The following CNTN3 variants were observed in gnomAD, a reference collection of about 807,000 sequenced individuals.
CNTN3 encodes contactin-3.
A neutral mutation model predicts 119.1 loss-of-function variants in CNTN3; 60 were observed. The observed-to-expected ratio is 0.50, with a 90% confidence interval of 0.41 to 0.62. CNTN3 has a LOEUF of 0.62. CNTN3 is among the 20% of genes least tolerant of loss of function. The probability of loss-of-function intolerance (pLI) is 0.00; values close to 1 mark genes in which losing one functional copy is unlikely to be tolerated. For synonymous variants in CNTN3, 450 were observed against 438.7 expected (o/e 1.03, Z -0.32); for missense variants, 1,101 against 1,242.4 (o/e 0.89, Z 1.71).
intron 1 of CNTN3, among the ~76,000 whole-genome samples, chr3:74,577,303 T>G (rs1704433274): frequency 6.6e-6 from 1 of 152,204 alleles, no homozygotes; most frequent in Admixed American, 6.5e-5. Flanking sequence ...ATATCAGCAG[T>G]TTCTTTCTTG....
chr3:74,600,029 G>A (rs2106702140), intron 1 of CNTN3, among the ~76,000 whole-genome samples: 1 of 151,904 alleles, frequency 6.6e-6, no homozygotes, highest in East Asian at 1.9e-4. Flanking sequence ...AGCACAGTTG[G>A]TTGATGACAG....
At chr3:74,525,289 C>T (rs1286490505) in intron 1 of CNTN3, among the ~76,000 whole-genome samples, 1 of 151,798 alleles carries the variant, frequency 6.6e-6, no homozygotes, top group Non-Finnish European at 1.5e-5. Context: ...TACACACATG[C>T]ATACACTGTA....
rs1268917445 is a variant in CNTN3, at chr3:74,360,020, T to C, written c.1364+1870A>G. On this transcript the variant is annotated intron_variant, in intron 11 of 22. Transcript: ENST00000263665. ...CTATTCTGTGCAGCCTAGCATTTGG[T>C]TGGATTATGGTGAACCACTCAATTC... is the stretch of plus-strand genomic sequence containing the variant. Among the ~76,000 whole-genome samples, 3 of 152,204 alleles carry C rather than the reference T, an allele frequency of 2.0e-5. No homozygotes were observed. In the East Asian group the frequency reaches 5.8e-4, roughly 29 times the overall value.
At chr3:74,365,444 G>T in intron 9 of CNTN3, 122 bp downstream of exon 9, 1 of 1,241,770 alleles carries the variant, frequency 8.1e-7, no homozygotes. Flanking sequence ...GTAAAGGAAA[G>T]TGTGCAAACT....
In CNTN3 at chr3:74,272,208, A is replaced by C. The variant is rs894192281; in HGVS notation, c.2705-4830T>G. 2.6e-5 allele frequency among the ~76,000 whole-genome samples: 4 copies of C among 152,138 alleles called. No homozygotes were observed. In the South Asian group the frequency reaches 8.3e-4, roughly 32 times the overall value. On this transcript the variant is annotated intron_variant, in intron 20 of 22. Transcript: ENST00000263665. ...AAAAAAAATCACAAAATAATCTCAT[A>C]ATGTTTTAAGAAAGTTTATGAATTT... is the stretch of plus-strand genomic sequence containing the variant.
At chr3:74,604,953 T>C (rs2106709608) in intron 1 of CNTN3, among the ~76,000 whole-genome samples, 1 of 152,284 alleles carries the variant, frequency 6.6e-6, no homozygotes, top group East Asian at 1.9e-4. Flanking sequence ...AATGGAATAT[T>C]ATGCAGCCAT....
chr3:74,436,852 T>C (rs143290647), intron 4 of CNTN3, among the ~76,000 whole-genome samples: 304 of 152,252 alleles, frequency 2.0e-3, no homozygotes, highest in Middle Eastern at 6.8e-3. Context: ...AAAACAGCAA[T>C]TGGAAATCAA....
At chr3:74,365,904 G>A (rs1476825868) in intron 8 of CNTN3, among the ~76,000 whole-genome samples, 1 of 152,038 alleles carries the variant, frequency 6.6e-6, no homozygotes, top group African/African-American at 2.4e-5. Flanking sequence ...TACATTTGAG[G>A]ATGGAAGTTG....
At chr3:74,374,924 A>T (rs1037628219) in intron 5 of CNTN3, among the ~76,000 whole-genome samples, 2 of 152,162 alleles carry the variant, frequency 1.3e-5, no homozygotes, top group African/African-American at 4.8e-5. Context: ...ACAACCATTC[A>T]ATGCAAAATT....
chr3:74,366,780 GTATA>G lies in CNTN3; in HGVS notation c.947-1082_947-1079del, dbSNP rs59223804. Among the ~76,000 whole-genome samples, 211 of 63,670 alleles carry G rather than the reference GTATA, an allele frequency of 3.3e-3. 3 individuals are homozygous for G. The highest frequency in any genetic ancestry group is 7.2e-3 in the Admixed American group (38 of 5,268). 41.8% of individuals were successfully genotyped at this position (63,670 alleles called of 152,430 possible). On this transcript the variant is annotated intron_variant, in intron 8 of 22. Transcript: ENST00000263665. ...TGTGCGTGTGTGTGTGTGTGTGTGT[GTATA>G]TATATATATATATATATATATATAA...
At chr3:74,330,640 T>C (rs1703243075) in intron 13 of CNTN3, among the ~76,000 whole-genome samples, 1 of 152,106 alleles carries the variant, frequency 6.6e-6, no homozygotes, top group Non-Finnish European at 1.5e-5. Flanking sequence ...TAAAAGAGTC[T>C]CATATAGGTC....
chr3:74,354,577 T>C (rs1037160282), intron 11 of CNTN3, among the ~76,000 whole-genome samples: 1 of 152,034 alleles, frequency 6.6e-6, no homozygotes, highest in Non-Finnish European at 1.5e-5. Context: ...CACAAAAACA[T>C]TGACACCTGG....
intron 8 of CNTN3, among the ~76,000 whole-genome samples, chr3:74,366,594 G>T (rs1704193660): frequency 6.6e-6 from 1 of 151,636 alleles, no homozygotes; most frequent in Admixed American, 6.6e-5. Context: ...TCCATATGGA[G>T]AAACAGTTTA....
At chr3:74,449,081 T>C (rs111347043) in intron 4 of CNTN3, among the ~76,000 whole-genome samples, 82 of 152,156 alleles carry the variant, frequency 5.4e-4, no homozygotes, top group African/African-American at 1.9e-3. Context: ...CTATTTTATA[T>C]TAATTTCCTT....
chr3:74,357,560 G>A (rs1575748929), intron 11 of CNTN3, among the ~76,000 whole-genome samples: 1 of 152,270 alleles, frequency 6.6e-6, no homozygotes, highest in East Asian at 1.9e-4. Flanking sequence ...TGGGATTACA[G>A]GCGTGACCCA....
chr3:74,436,733 A>C (rs1701872893), intron 4 of CNTN3, among the ~76,000 whole-genome samples: 1 of 152,248 alleles, frequency 6.6e-6, no homozygotes. Flanking sequence ...AGATTGGGCA[A>C]GACAACCATA....
At chr3:74,574,690 G>T (rs1034383045) in intron 1 of CNTN3, among the ~76,000 whole-genome samples, 3 of 152,018 alleles carry the variant, frequency 2.0e-5, no homozygotes, top group African/African-American at 7.3e-5. Flanking sequence ...AATCACCTTT[G>T]GAACCATGTT....
chr3:74,533,550 C>A (rs79966776), intron 1 of CNTN3, among the ~76,000 whole-genome samples: 19,820 of 151,940 alleles, frequency 0.13, 1,678 homozygotes, highest in Non-Finnish European at 0.18. Flanking sequence ...TTTACTACCA[C>A]CACCCCCATG....
chr3:74,365,566 C>G lies in CNTN3; in HGVS notation c.1083G>C (p.Glu361Asp), dbSNP rs764933278. 3 of 1,613,088 alleles carry G rather than the reference C, an allele frequency of 1.9e-6. No homozygotes were observed. Among genetic ancestry groups the G allele is most frequent in the African/African-American group, 1.3e-5 (1 of 74,836 alleles). Reference sequence around the variant, plus strand: ...CCATTTTAGGTCCATGTTACCTTACCTCTAGCACCAGGGCTGCTCCATTTT... The same window carrying G: ...CCATTTTAGGTCCATGTTACCTTACGTCTAGCACCAGGGCTGCTCCATTTT... Reference protein sequence around the residue: ...WLKNGAALVLEERTQIENGAL... With the variant: ...WLKNGAALVLDERTQIENGAL... Residue 361 changes from glutamate to aspartate, a missense_variant and splice_region_variant, in exon 9 of 23, where the codon GAG becomes GAC. Transcript: ENST00000263665.
Sources: allele counts gnomAD v4.1 joint callset (sites outside exome capture counted in the v4.1 genomes callset), GRCh38; gene constraint gnomAD v4.1.1; transcripts MANE v1.5; gene names NCBI Gene and HGNC (gene_info 2026-07-23, HGNC 2026-07-21).